GRID2: variants seen among roughly 807,000 people sequenced by gnomAD.
GRID2 encodes glutamate ionotropic receptor delta type subunit 2.
In GRID2, 33 loss-of-function variants were observed where a neutral mutation model predicts 114.8. The observed-to-expected ratio is 0.29, with a 90% CI of 0.22 to 0.38. The LOEUF is 0.38. Ranked by LOEUF, GRID2 falls within the 10% of genes least tolerant of loss-of-function variation. The probability of loss-of-function intolerance (pLI) is 1.00; values close to 1 mark genes in which losing one functional copy is unlikely to be tolerated. For synonymous variants in GRID2, 505 were observed against 449.9 expected, an observed-to-expected ratio of 1.12 and a Z score of -1.55; for missense variants, 1,184 against 1,257.7, an observed-to-expected ratio of 0.94 and a Z score of 0.89.
rs527273685 is a variant in GRID2 at position 92,986,745 on chromosome 4, G to T, written c.245-98250G>T. On this transcript the variant is annotated intron_variant, in intron 2 of 15. Coordinates refer to ENST00000282020, the MANE Select transcript of GRID2 (RefSeq NM_001510.4). ...TTTTTAAAAAGCTGTAACAGAACAG[G>T]ACTAAATATTATAAATACTGTATAA... Among the ~76,000 whole-genome samples, 210 of 152,068 alleles carry T rather than the reference G, an allele frequency of 1.4e-3. 1 individual carries two copies. Among genetic ancestry groups the T allele is most frequent in the African/African-American group, 4.9e-3 (202 of 41,490 alleles).
At chr4:93,021,704 AT>A (rs1427626561) in intron 2 of GRID2, among the ~76,000 whole-genome samples, 1 of 143,294 alleles carries the variant, frequency 7.0e-6, no homozygotes, top group Non-Finnish European at 1.5e-5. Context: ...TATATTATGA[AT>A]ATTATAATTA....
At chr4:92,530,715 C>A (rs550890763) in intron 1 of GRID2, among the ~76,000 whole-genome samples, 43 of 140,814 alleles carry the variant, frequency 3.1e-4, no homozygotes, top group Middle Eastern at 3.7e-3. Context: ...GACTGACCAA[C>A]ATAGTGAAAC....
At chr4:93,718,717 T>A (rs867072691) in intron 14 of GRID2, among the ~76,000 whole-genome samples, 2 of 149,748 alleles carry the variant, frequency 1.3e-5, no homozygotes, top group Middle Eastern at 6.9e-3. Flanking sequence ...CTGAATTCTT[T>A]AAAAAAAAAA....
At chr4:92,327,404 C>A (rs1726655106) in intron 1 of GRID2, among the ~76,000 whole-genome samples, 1 of 151,786 alleles carries the variant, frequency 6.6e-6, no homozygotes, top group Admixed American at 6.6e-5. Context: ...AATCTCTAGT[C>A]CCAAGTTAAA....
chr4:93,042,136 C>T (rs1023489221), intron 2 of GRID2, among the ~76,000 whole-genome samples: 3 of 151,862 alleles, frequency 2.0e-5, no homozygotes, highest in Admixed American at 1.3e-4. Context: ...ATCTTCTGAC[C>T]TCGTGATCTG....
chr4:93,238,496 A>C lies in GRID2; in HGVS notation c.1245+6A>C. On this transcript the variant is annotated splice_donor_region_variant and intron_variant, in intron 8 of 15. Transcript: ENST00000282020. ...TTGGCAGAGGTGTTCGAAAAGTAAG[A>C]CAAGACACACTGATTAATACGCTTT... The C allele has an allele frequency of 6.2e-7, 1 of 1,608,208 alleles. No homozygotes were observed.
chr4:93,145,644 C>CTT (rs10605313), intron 4 of GRID2, among the ~76,000 whole-genome samples: 24 of 45,708 alleles, frequency 5.3e-4, no homozygotes, highest in East Asian at 7.5e-4. Flanking sequence ...TTCTTTTTTC[C>CTT]TTTTTTTTTT....
At chr4:93,260,145 T>A (rs2149547841) in intron 8 of GRID2, among the ~76,000 whole-genome samples, 1 of 151,822 alleles carries the variant, frequency 6.6e-6, no homozygotes, top group South Asian at 2.1e-4. Flanking sequence ...CCATTGATAC[T>A]TTGCCCTACT....
chr4:92,845,684 A>G (rs1425183872), intron 2 of GRID2, among the ~76,000 whole-genome samples: 3 of 151,956 alleles, frequency 2.0e-5, no homozygotes, highest in Admixed American at 6.6e-5. Flanking sequence ...TTGAGAAGCA[A>G]TTTTGTTGTT....
chr4:93,456,722 G>A (rs563086780), intron 11 of GRID2, among the ~76,000 whole-genome samples: 1 of 152,206 alleles, frequency 6.6e-6, no homozygotes, highest in South Asian at 2.1e-4. Flanking sequence ...TTGAAGAGGA[G>A]GATGTTTGCT....
chr4:93,531,879 G>A (rs981717864), intron 13 of GRID2, among the ~76,000 whole-genome samples: 2 of 151,620 alleles, frequency 1.3e-5, no homozygotes, highest in Non-Finnish European at 2.9e-5. Flanking sequence ...TTCCCTATTA[G>A]AATTAGTTAC....
At chr4:93,075,291 A>G (rs1729158342) in intron 2 of GRID2, among the ~76,000 whole-genome samples, 1 of 152,216 alleles carries the variant, frequency 6.6e-6, no homozygotes, top group Admixed American at 6.5e-5. Flanking sequence ...TTCCTGAGCA[A>G]ACTCTGTTCT....
intron 1 of GRID2, among the ~76,000 whole-genome samples, chr4:92,579,601 A>G (rs578051868): frequency 4.5e-4 from 68 of 152,120 alleles, no homozygotes; most frequent in Non-Finnish European, 8.2e-4. Context: ...GTCCTATATC[A>G]TGTATGTTTT....
intron 2 of GRID2, among the ~76,000 whole-genome samples, chr4:92,957,216 C>T (rs745885257): frequency 2.0e-5 from 3 of 151,990 alleles, no homozygotes; most frequent in Non-Finnish European, 4.4e-5. Context: ...GTATCTGAAA[C>T]GTTACCATCA....
chr4:92,827,858 C>G (rs1741835975), intron 2 of GRID2, among the ~76,000 whole-genome samples: 1 of 151,830 alleles, frequency 6.6e-6, no homozygotes, highest in African/African-American at 2.4e-5. Flanking sequence ...AGTTTTCTTT[C>G]TTTTTTAAAC....
intron 13 of GRID2, among the ~76,000 whole-genome samples, chr4:93,606,250 AAG>A (rs1740225641): frequency 6.6e-6 from 1 of 152,086 alleles, no homozygotes; most frequent in Admixed American, 6.6e-5. Context: ...CTGGGCGACA[AAG>A]AGAGAGTCTG....
chr4:93,709,400 T>C (rs1338801556), intron 14 of GRID2, among the ~76,000 whole-genome samples: 1 of 152,174 alleles, frequency 6.6e-6, no homozygotes, highest in Non-Finnish European at 1.5e-5. Flanking sequence ...ACTTTAAATA[T>C]GTCATGCCAC....
chr4:93,059,935 A>G (rs1727622390), intron 2 of GRID2, among the ~76,000 whole-genome samples: 5 of 152,128 alleles, frequency 3.3e-5, no homozygotes, highest in Admixed American at 3.3e-4. Context: ...CAAATTATCT[A>G]GACCACTATC....
At chr4:92,673,880 C>G (rs985156685) in intron 2 of GRID2, among the ~76,000 whole-genome samples, 1 of 151,940 alleles carries the variant, frequency 6.6e-6, no homozygotes. Context: ...ATGTGAATGA[C>G]GAGTTAACGG....
Sources: allele counts gnomAD v4.1 joint callset (sites outside exome capture counted in the v4.1 genomes callset), GRCh38; gene constraint gnomAD v4.1.1; transcripts MANE v1.5; gene names NCBI Gene and HGNC (gene_info 2026-07-23, HGNC 2026-07-21).